Variants in FOXP3 observed in about 807,000 individuals in gnomAD.
The protein encoded by FOXP3 is forkhead box protein P3.
A neutral mutation model predicts 31.2 loss-of-function variants in FOXP3; 5 were observed. The ratio of observed to expected loss-of-function variants is 0.16; its 90% CI spans 0.08 to 0.34. The LOEUF is 0.34. FOXP3 is among the 10% of genes least tolerant of loss of function. The pLI is 1.00. For missense variants in FOXP3, 251 were observed against 363.0 expected (o/e 0.69, Z 2.51); for synonymous variants, 141 against 148.8 (o/e 0.95, Z 0.38).
At position 49,257,527 on chromosome X, in the gene FOXP3, C is replaced by T; in HGVS notation, c.354G>A (p.Leu118=). 8.5e-7 allele frequency: 1 copy of T among 1,171,101 alleles called. No individual in the cohort carries two copies. The highest frequency in any genetic ancestry group is 2.3e-5 in the Admixed American group (1 of 43,515). Residue 118 remains leucine, a synonymous_variant, in exon 4 of 12, where the codon CTG becomes CTA. Coordinates refer to ENST00000376207, the MANE Select transcript of FOXP3 (RefSeq NM_014009.4). ...TVDAHARTPV[L]QVHPLESPAM... ...CTGGGCTCTCCAGGGGGTGCACCTGCAGCACAGGGGTCCGGGCGTGGGCAT... is the reference window on the plus strand; with the variant it reads ...CTGGGCTCTCCAGGGGGTGCACCTGTAGCACAGGGGTCCGGGCGTGGGCAT...
chrX:49,251,598 C>A, intron 11 of FOXP3, 66 bp downstream of exon 11: 2 of 1,209,060 alleles, frequency 1.7e-6, no homozygotes, highest in Non-Finnish European at 2.2e-6. Flanking sequence ...AGACCCAGGC[C>A]TGCCCACTTT....
In FOXP3 at chrX:49,256,801, G is replaced by A. The variant is rs782377881; in HGVS notation, c.597C>T (p.Cys199=). The A allele has an allele frequency of 8.2e-7, 1 of 1,212,237 alleles. No homozygotes were observed. Among genetic ancestry groups the A allele is most frequent in the Non-Finnish European group, 1.1e-6 (1 of 895,541 alleles). The change falls in exon 6 of 12, where the codon TGC becomes TGT. Residue 199 remains cysteine (C), a synonymous_variant. Coordinates refer to ENST00000376207, the MANE Select transcript of FOXP3 (RefSeq NM_014009.4). ...SSYPLLANGV[C]KWPGCEKVFE... ...AGACCTTCTCACATCCGGGCCACTT[G>A]CAGACACCATTTGCCAGCAGTGGGT... is the stretch of plus-strand genomic sequence containing the variant.
chrX:49,256,590 C>T (rs1330459669), intron 6 of FOXP3, among the ~76,000 whole-genome samples, 161 bp downstream of exon 6: 1 of 112,504 alleles, frequency 8.9e-6, no homozygotes, highest in African/African-American at 3.2e-5. Context: ...TCCAAGGTCA[C>T]ACAGCCAGTC....
rs942280481 is a variant in FOXP3, at chrX:49,257,691, G to A, written c.288C>T (p.Leu96=). Residue 96 remains leucine (L), a synonymous_variant, in exon 3 of 12, where the codon CTC becomes CTT. Coordinates refer to ENST00000376207, the MANE Select transcript of FOXP3 (RefSeq NM_014009.4). ...GGTGCATGAAATGTGGCCTGTCCTG[G>A]AGGAGTGCCTGTAAGTGGGGCAAGG... ...LGPLPHLQAL[L]QDRPHFMHQL... is the part of the protein sequence containing the mutation. 1 of 1,182,559 alleles carries A rather than the reference G, an allele frequency of 8.5e-7. No homozygotes were observed. The highest frequency in any genetic ancestry group is 3.1e-5 in the East Asian group (1 of 32,410).
At chrX:49,253,295 G>A in intron 9 of FOXP3, 93 bp from the exon 10 acceptor site, 2 of 726,859 alleles carry the variant, frequency 2.8e-6, no homozygotes, top group Non-Finnish European at 4.2e-6. Flanking sequence ...ACAGGCCTGA[G>A]ATCTCACCGT....
chrX:49,258,314 C>T lies in FOXP3; in HGVS notation c.192G>A (p.Met64Ile). 8.6e-7 allele frequency: 1 copy of T among 1,166,076 alleles called. No homozygotes were observed. The highest frequency in any genetic ancestry group is 3.3e-5 in the East Asian group (1 of 30,733). The stretch of plus-strand genomic sequence containing the variant: ...GCCTCACCTGCAGCTGCGATGGTGG[C>T]ATGGGGTTCAAGGAAGAAGAGGAGG... ...AHASSSSLNP[M>I]PPSQLQLPTL... Residue 64 changes from methionine to isoleucine, a missense_variant, in exon 2 of 12, where the codon ATG becomes ATA. Physicochemically the swap from Met to Ile is conservative, Grantham distance 10. Coordinates refer to ENST00000376207, the MANE Select transcript of FOXP3 (RefSeq NM_014009.4).
chrX:49,264,574 G>T, intron 1 of FOXP3, 87 bp downstream of exon 1: 1 of 536,251 alleles, frequency 1.9e-6, no homozygotes, highest in Non-Finnish European at 2.3e-6. Flanking sequence ...CTGTACCAGA[G>T]GGCCCCTGAC....
chrX:49,256,367 G>T (rs1264842880), intron 6 of FOXP3, among the ~76,000 whole-genome samples: 15 of 109,883 alleles, frequency 1.4e-4, no homozygotes, highest in African/African-American at 4.7e-4. Context: ...TTGGCATGAG[G>T]AGTAGCAGGG....
At position 49,250,704 on chromosome X, in the gene FOXP3, G is replaced by A. The variant is rs903975843; in HGVS notation, c.*630C>T. 22 of 261,298 alleles carry A rather than the reference G, an allele frequency of 8.4e-5. No homozygotes were observed. The highest frequency in any genetic ancestry group is 1.4e-3 in the Middle Eastern group (1 of 732). 21.5% of individuals were successfully genotyped at this position (261,298 alleles called of 1,213,427 possible). On this transcript the variant is annotated 3_prime_UTR_variant, in exon 12 of 12. Transcript: ENST00000376207. Reference sequence around the variant, plus strand: ...ATACACAGGTGAATTCTAACAGGCCGTGTGTGTGAGCGAGCACGTGTTGGG... The same window carrying A: ...ATACACAGGTGAATTCTAACAGGCCATGTGTGTGAGCGAGCACGTGTTGGG...
chrX:49,256,985 A>C lies in FOXP3; in HGVS notation c.482T>G (p.Val161Gly), dbSNP rs1243920194. The C allele has an allele frequency of 6.6e-6, 8 of 1,208,418 alleles. No individual in the cohort carries two copies. The highest frequency in any genetic ancestry group is 8.9e-6 in the Non-Finnish European group (8 of 894,433). ...GCAGAGCAGTGCCGGCTCCCTGGAC[A>C]CCCATTCCAGGCTGGCCACGTTGAT... ...PGINVASLEWVSREPALLCTF... is the reference protein window; with the variant it reads ...PGINVASLEWGSREPALLCTF... Residue 161 changes from valine to glycine, a missense_variant, in exon 5 of 12, where the codon GTG (valine) becomes GGG (glycine). By Grantham distance (109) the Val-to-Gly change is moderately radical. This residue lies in a region of FOXP3 where 152 missense variants were observed against 188.1 expected (regional missense o/e 0.81). Transcript: ENST00000376207.
chrX:49,255,554 G>A, intron 7 of FOXP3, 45 bp from the exon 8 acceptor site: 1 of 1,144,891 alleles, frequency 8.7e-7, no homozygotes, highest in Non-Finnish European at 1.2e-6. Flanking sequence ...GCCCTTCTCT[G>A]CCACATCTTT....
rs141362642 is a variant in FOXP3, at chrX:49,251,439, C to A, written c.1191G>T (p.Arg397=). 8.3e-6 allele frequency: 10 copies of A among 1,210,635 alleles called. No homozygotes were observed. The highest frequency in any genetic ancestry group is 1.1e-5 in the Non-Finnish European group (10 of 895,329). The stretch of plus-strand genomic sequence containing the variant: ...ACACAGCCCCCTTCTCGCTCTCCAC[C>A]CGCACAAAGCACTTGTGCAGACTCA... ...HNLSLHKCFV[R]VESEKGAVWT... is the part of the protein sequence containing the mutation. Residue 397 remains arginine, a synonymous_variant, in exon 12 of 12, where the codon CGG becomes CGT. Transcript: ENST00000376207.
rs1208322701 is a variant in FOXP3, at chrX:49,264,544, C to T, written c.-23+117G>A. The T allele has an allele frequency of 3.4e-5, 10 of 297,747 alleles. No homozygotes were observed. Among genetic ancestry groups the T allele is most frequent in the Non-Finnish European group, 4.5e-5 (10 of 223,789 alleles). 24.5% of individuals were successfully genotyped at this position (297,747 alleles called of 1,213,427 possible). A position where few individuals can be genotyped will look rare whatever the true frequency, so the allele number is the denominator to read the frequency against. On this transcript the variant is annotated intron_variant, in intron 1 of 11. Coordinates refer to ENST00000376207, the MANE Select transcript of FOXP3 (RefSeq NM_014009.4). Reference sequence around the variant, plus strand: ...TAAAGACCTTACCTGGCTGGAATCACGGTAGCTGGGTACATCCCACTGTAC... The same window carrying T: ...TAAAGACCTTACCTGGCTGGAATCATGGTAGCTGGGTACATCCCACTGTAC...
chrX:49,258,490 G>T lies in FOXP3; in HGVS notation c.16C>A (p.Pro6Thr). MPNPRPGKPSAPSLAL... is the reference protein window; with the variant it reads MPNPRTGKPSAPSLAL... The stretch of plus-strand genomic sequence containing the variant: ...AAGGAAGGGGCCGAGGGCTTGCCAG[G>T]CCTGGGGTTGGGCATCGGGTCCTTG... The change falls in exon 2 of 12, where the codon CCT becomes ACT. Residue 6 changes from proline to threonine, a missense_variant. Physicochemically the swap from Pro to Thr is conservative, Grantham distance 38 (BLOSUM62 -1). This residue lies in a region of FOXP3 where 152 missense variants were observed against 188.1 expected (regional missense o/e 0.81). Coordinates refer to ENST00000376207, the MANE Select transcript of FOXP3 (RefSeq NM_014009.4). The T allele has an allele frequency of 8.5e-7, 1 of 1,174,387 alleles. No homozygotes were observed. Among genetic ancestry groups the T allele is most frequent in the Non-Finnish European group, 1.1e-6 (1 of 875,696 alleles).
chrX:49,260,542 GC>G (rs2147951150), intron 1 of FOXP3, among the ~76,000 whole-genome samples: 1 of 112,575 alleles, frequency 8.9e-6, no homozygotes, highest in East Asian at 2.8e-4. Context: ...ATGTGGGATG[GC>G]CTGACTCAGC....
chrX:49,263,778 T>C (rs782499582), intron 1 of FOXP3, among the ~76,000 whole-genome samples: 1 of 111,824 alleles, frequency 8.9e-6, no homozygotes, highest in South Asian at 3.7e-4. Context: ...ATATGGACTC[T>C]GGTCACACAC....
chrX:49,253,158 G>T lies in FOXP3; in HGVS notation c.1012C>A (p.Pro338Thr). ...MDYFKFHNMR[P>T]PFTYATLIRW... ...ATGAGCGTGGCGTAGGTGAAAGGGG[G>T]TCGCATGTTGTGGAACTTGAAGTAG... The change falls in exon 10 of 12, where the codon CCC (proline) becomes ACC (threonine). Residue 338 changes from proline to threonine, a missense_variant. Pro to Thr is a conservative substitution (Grantham distance 38, BLOSUM62 -1). Coordinates refer to ENST00000376207, the MANE Select transcript of FOXP3 (RefSeq NM_014009.4). 1.7e-6 allele frequency: 2 copies of T among 1,210,000 alleles called. No homozygotes were observed. Among genetic ancestry groups the T allele is most frequent in the Non-Finnish European group, 2.2e-6 (2 of 894,674 alleles).
At chrX:49,263,283 T>C (rs1299172516) in intron 1 of FOXP3, among the ~76,000 whole-genome samples, 1 of 108,639 alleles carries the variant, frequency 9.2e-6, no homozygotes, top group African/African-American at 3.4e-5. Flanking sequence ...TGTTGGGAAA[T>C]AATTAAAACA....
In FOXP3 at chrX:49,257,440, A is replaced by G; in HGVS notation, c.441T>C (p.Pro147=). The change falls in exon 4 of 12, where the codon CCT becomes CCC. Residue 147 remains proline (P), a synonymous_variant. Coordinates refer to ENST00000376207, the MANE Select transcript of FOXP3 (RefSeq NM_014009.4). ...ATGVFSLKAR[P]GLPPGINVAS... ...CTGAGGTGTTACCAGGTGGGAGGCC[A>G]GGCCGGGCCTTGAGGGAGAAGACCC... The G allele has an allele frequency of 8.8e-7, 1 of 1,140,842 alleles. No individual in the cohort carries two copies. Among genetic ancestry groups the G allele is most frequent in the African/African-American group, 1.8e-5 (1 of 55,112 alleles). 94.0% of individuals were successfully genotyped at this position (1,140,842 alleles called of 1,213,427 possible).
Sources: gnomAD v4.1 joint callset for allele counts (sites outside exome capture counted in the v4.1 genomes callset) on GRCh38, gnomAD v4.1.1 for gene constraint, gnomAD v4.1.1 regional missense constraint, MANE v1.5 for transcripts, NCBI Gene and HGNC (gene_info 2026-07-23, HGNC 2026-07-21) for gene names.